The following LAMC1 variants were observed in gnomAD, a reference collection of about 807,000 sequenced individuals.
LAMC1 encodes the protein laminin subunit gamma 1.
Under a neutral mutation model 173.6 loss-of-function variants are expected in LAMC1, and 38 were observed. That is an observed-to-expected ratio of 0.22 (90% CI 0.17 to 0.29). LAMC1 has a LOEUF of 0.29. Ranked by LOEUF, LAMC1 falls within the 10% of genes least tolerant of loss-of-function variation. The probability of loss-of-function intolerance (pLI) is 1.00; values close to 1 mark genes in which losing one functional copy is unlikely to be tolerated. For missense variants in LAMC1, 1,824 were observed against 2,051.8 expected, an observed-to-expected ratio of 0.89 and a Z score of 2.14; for synonymous variants, 746 against 749.1, an observed-to-expected ratio of 1.00 and a Z score of 0.07.
intron 1 of LAMC1, among the ~76,000 whole-genome samples, chr1:183,065,507 G>A (rs1479566982): frequency 2.0e-5 from 3 of 152,172 alleles, no homozygotes; most frequent in Non-Finnish European, 2.9e-5. Flanking sequence ...TAAGGCCTAT[G>A]ACACATTGGA....
intron 11 of LAMC1, among the ~76,000 whole-genome samples, 171 bp from the exon 12 acceptor site, chr1:183,121,552 C>G (rs920645125): frequency 4.6e-5 from 7 of 152,334 alleles, no homozygotes; most frequent in African/African-American, 1.7e-4. Context: ...TTCTAATTCT[C>G]TTCTCCAGGG....
At position 183,029,546 on chromosome 1, in the gene LAMC1, C is replaced by G. The variant is rs527494716; in HGVS notation, c.418+5412C>G. 2.0e-5 allele frequency among the ~76,000 whole-genome samples: 3 copies of G among 152,204 alleles called. No homozygotes were observed. In the South Asian group the frequency reaches 6.2e-4, roughly 32 times the overall value. The stretch of plus-strand genomic sequence containing the variant: ...TGTACAGGGTACTTAGGATCTGGAC[C>G]TTTTTGTTGCTTCACGTGTTCACAG... On this transcript the variant is annotated intron_variant, in intron 1 of 27. Coordinates refer to ENST00000258341, the MANE Select transcript of LAMC1 (RefSeq NM_002293.4).
intron 1 of LAMC1, among the ~76,000 whole-genome samples, chr1:183,093,373 T>G (rs1655613050): frequency 6.6e-6 from 1 of 152,146 alleles, no homozygotes; most frequent in Non-Finnish European, 1.5e-5. Context: ...TCTCTTCTTT[T>G]TAAAAGAAGC....
At chr1:183,128,510 A>G (rs1656688394) in intron 17 of LAMC1, 84 bp from the exon 18 acceptor site, 3 of 1,167,066 alleles carry the variant, frequency 2.6e-6, no homozygotes, top group South Asian at 3.6e-5. Context: ...TGGAGTGCCC[A>G]TGATTCCTGC....
rs769081377 is a variant in LAMC1 at position 183,128,737 on chromosome 1, C to G, written c.3267C>G (p.Ala1089=). The part of the protein sequence containing the change: ...EREVMDLLRE[A]QDVKDVDQNL... Reference sequence around the variant, plus strand: ...AAGTTATGGACCTCCTTCGTGAGGCCCAGGATGTCAAAGGTACGCATGATT... The same window carrying G: ...AAGTTATGGACCTCCTTCGTGAGGCGCAGGATGTCAAAGGTACGCATGATT... The change falls in exon 18 of 28, where the codon GCC becomes GCG. Residue 1089 remains alanine, a synonymous_variant. Coordinates refer to ENST00000258341, the MANE Select transcript of LAMC1 (RefSeq NM_002293.4). 67 of 1,612,636 alleles carry G rather than the reference C, an allele frequency of 4.2e-5. No homozygotes were observed. In the South Asian group the frequency reaches 7.2e-4, roughly 17 times the overall value.
rs1257122711 is a variant in LAMC1, at chr1:183,130,324, T to A, written c.3281-20T>A. The stretch of plus-strand genomic sequence containing the variant: ...TCCTCTTCAGATAATTTACAGACTT[T>A]CTTCTGCAAACCATTTTAGATGTTG... On this transcript the variant is annotated intron_variant, in intron 18 of 27. Transcript: ENST00000258341. 6.3e-7 allele frequency: 1 copy of A among 1,596,796 alleles called. No homozygotes were observed. Among genetic ancestry groups the A allele is most frequent in the Admixed American group, 1.7e-5 (1 of 59,980 alleles).
chr1:183,074,199 C>T (rs1297269703), intron 1 of LAMC1, among the ~76,000 whole-genome samples: 1 of 152,064 alleles, frequency 6.6e-6, no homozygotes, highest in African/African-American at 2.4e-5. Context: ...GTTAGTGCCA[C>T]CAAGTATTCA....
intron 1 of LAMC1, among the ~76,000 whole-genome samples, chr1:183,083,622 T>TA (rs1420451569): frequency 6.6e-6 from 1 of 152,212 alleles, no homozygotes; most frequent in Non-Finnish European, 1.5e-5. Flanking sequence ...AGAAGTTTTT[T>TA]AAAAAGGTTT....
chr1:183,087,408 T>TA (rs1558043780), intron 1 of LAMC1, among the ~76,000 whole-genome samples: 2 of 152,206 alleles, frequency 1.3e-5, no homozygotes, highest in African/African-American at 2.4e-5. Flanking sequence ...CTTACGTTCT[T>TA]ATGTGTGTAT....
At position 183,023,971 on chromosome 1, in the gene LAMC1, C is replaced by T; in HGVS notation, c.255C>T (p.Val85=). The T allele has an allele frequency of 1.9e-6, 3 of 1,613,308 alleles. No homozygotes were observed. Among genetic ancestry groups the T allele is most frequent in the Non-Finnish European group, 2.5e-6 (3 of 1,179,968 alleles). The change falls in exon 1 of 28, where the codon GTC becomes GTT. Residue 85 remains valine (V), a synonymous_variant. Transcript: ENST00000258341. ...EYCVQTGVTG[V]TKSCHLCDAG... ...GTGTGCAGACCGGGGTGACCGGGGT[C>T]ACCAAGTCCTGTCACCTGTGCGACG...
intron 1 of LAMC1, among the ~76,000 whole-genome samples, chr1:183,081,039 C>T (rs1465196589): frequency 6.6e-6 from 1 of 152,022 alleles, no homozygotes; most frequent in Non-Finnish European, 1.5e-5. Flanking sequence ...CAGGTGCCTG[C>T]CACCACGCCC....
chr1:183,117,521 G>C lies in LAMC1; in HGVS notation c.1688-13G>C. 1 of 1,613,428 alleles carries C rather than the reference G, an allele frequency of 6.2e-7. No homozygotes were observed. Among genetic ancestry groups the C allele is most frequent in the Middle Eastern group, 1.7e-4 (1 of 6,060 alleles). On this transcript the variant is annotated splice_polypyrimidine_tract_variant and intron_variant, in intron 9 of 27. Coordinates refer to ENST00000258341, the MANE Select transcript of LAMC1 (RefSeq NM_002293.4). Reference sequence around the variant, plus strand: ...GTCTCACATTCTTGCCCACCATTGTGTCTGTATTCCAGCAAAGTTCTTGGG... The same window carrying C: ...GTCTCACATTCTTGCCCACCATTGTCTCTGTATTCCAGCAAAGTTCTTGGG...
rs772645461 is a variant in LAMC1 at position 183,118,059 on chromosome 1, T to G, written c.1903T>G (p.Trp635Gly). 3 of 1,613,280 alleles carry G rather than the reference T, an allele frequency of 1.9e-6. No individual in the cohort carries two copies. Among genetic ancestry groups the G allele is most frequent in the Non-Finnish European group, 2.5e-6 (3 of 1,179,234 alleles). The change falls in exon 11 of 28, where the codon TGG becomes GGG. Residue 635 changes from tryptophan to glycine, a missense_variant. Coordinates refer to ENST00000258341, the MANE Select transcript of LAMC1 (RefSeq NM_002293.4). The stretch of plus-strand genomic sequence containing the variant: ...GCTCCATGAAGCAACAGATTACCCT[T>G]GGAGGCCTGCTCTTACCCCTTTTGA... Reference protein sequence around the residue: ...FRLHEATDYPWRPALTPFEFQ... With the variant: ...FRLHEATDYPGRPALTPFEFQ...
intron 1 of LAMC1, among the ~76,000 whole-genome samples, chr1:183,058,726 G>T (rs187955362): frequency 5.4e-4 from 82 of 152,234 alleles, no homozygotes; most frequent in African/African-American, 1.9e-3. Flanking sequence ...CTGTCTGTGG[G>T]TGTGGGTGTG....
chr1:183,136,379 GT>G lies in LAMC1; in HGVS notation c.4115-4del, dbSNP rs779109276. ...TTAGCTCAAATGTGTCCTTGAACTTGTTTCAGATTTTGATAGGCGTGTGAAC... is the reference window on the plus strand; with the variant it reads ...TTAGCTCAAATGTGTCCTTGAACTTGTTCAGATTTTGATAGGCGTGTGAAC... On this transcript the variant is annotated splice_polypyrimidine_tract_variant and splice_region_variant and intron_variant, in intron 24 of 27. Coordinates refer to ENST00000258341, the MANE Select transcript of LAMC1 (RefSeq NM_002293.4). 15 of 1,613,690 alleles carry G rather than the reference GT, an allele frequency of 9.3e-6. No homozygotes were observed. Among genetic ancestry groups the G allele is most frequent in the Admixed American group, 1.7e-5 (1 of 60,030 alleles).
intron 1 of LAMC1, among the ~76,000 whole-genome samples, chr1:183,055,734 C>G (rs1386529610): frequency 6.6e-6 from 1 of 151,954 alleles, no homozygotes; most frequent in Non-Finnish European, 1.5e-5. Flanking sequence ...ATCGCTTGAA[C>G]CTGGGAGGCA....
chr1:183,120,167 C>CAAAAAAAA (rs55642592), intron 11 of LAMC1, among the ~76,000 whole-genome samples: 25 of 64,704 alleles, frequency 3.9e-4, no homozygotes, highest in South Asian at 8.3e-4. Flanking sequence ...GGATCTATCT[C>CAAAAAAAA]AAAAAAAAAA....
At chr1:183,026,918 A>G (rs1173250386) in intron 1 of LAMC1, among the ~76,000 whole-genome samples, 2 of 152,238 alleles carry the variant, frequency 1.3e-5, no homozygotes, top group Non-Finnish European at 2.9e-5. Flanking sequence ...CTTTATCACT[A>G]GCTGCTAAGC....
intron 1 of LAMC1, among the ~76,000 whole-genome samples, chr1:183,061,495 C>A (rs1346539786): frequency 1.3e-5 from 2 of 152,058 alleles, no homozygotes; most frequent in African/African-American, 4.8e-5. Context: ...ACATGGTTTC[C>A]TGACATTTTG....
Sources: allele counts gnomAD v4.1 joint callset (sites outside exome capture counted in the v4.1 genomes callset), GRCh38; gene constraint gnomAD v4.1.1; transcripts MANE v1.5; gene names NCBI Gene and HGNC (gene_info 2026-07-23, HGNC 2026-07-21).